The following FBN2 variants were observed in gnomAD, a reference collection of about 807,000 sequenced individuals.
FBN2 encodes fibrillin 2.
A neutral mutation model predicts 355.6 loss-of-function variants in FBN2; 105 were observed. That is an observed-to-expected ratio of 0.30 (90% CI 0.25 to 0.35). The LOEUF (loss-of-function observed/expected upper bound fraction) is 0.35. Among genes scored for constraint, FBN2 ranks in the 10% least tolerant of loss-of-function variants. The pLI is 1.00. For missense variants in FBN2, 3,280 were observed against 3,758.7 expected (o/e 0.87, Z 3.33); for synonymous variants, 1,350 against 1,301.2 (o/e 1.04, Z -0.81).
At chr5:128,507,496 C>A (rs1755995033) in intron 5 of FBN2, among the ~76,000 whole-genome samples, 1 of 152,064 alleles carries the variant, frequency 6.6e-6, no homozygotes, top group African/African-American at 2.4e-5. Flanking sequence ...TTTTTAAGTT[C>A]ATATTATTTT....
At chr5:128,359,960 G>C (rs765037382) in intron 19 of FBN2, among the ~76,000 whole-genome samples, 4 of 152,038 alleles carry the variant, frequency 2.6e-5, no homozygotes, top group Non-Finnish European at 4.4e-5. Flanking sequence ...TCCGCATTAC[G>C]TGTCTCTCAC....
chr5:128,319,586 T>G (rs528115137), intron 34 of FBN2, among the ~76,000 whole-genome samples: 1 of 152,204 alleles, frequency 6.6e-6, no homozygotes, highest in South Asian at 2.1e-4. Flanking sequence ...TGTAATCTTA[T>G]CTGTTATTAT....
At position 128,403,191 on chromosome 5, in the gene FBN2, G is replaced by GA. The variant is rs1185210942; in HGVS notation, c.1078+5482dup. ...GTACCTTGCCCTTTTCTTGAAAAAG[G>GA]AAAAAAAAAACCCATATACTGGTCA... is the stretch of plus-strand genomic sequence containing the variant. On this transcript the variant is annotated intron_variant, in intron 8 of 64. Transcript: ENST00000262464. 1.5e-3 allele frequency among the ~76,000 whole-genome samples: 228 copies of GA among 147,234 alleles called. 1 individual carries two copies. The highest frequency in any genetic ancestry group is 2.4e-3 in the Non-Finnish European group (157 of 66,466).
chr5:128,374,577 T>G lies in FBN2; in HGVS notation c.2095+51A>C, dbSNP rs750308305. The G allele has an allele frequency of 1.2e-5, 19 of 1,611,720 alleles. No homozygotes were observed. In the South Asian group the frequency reaches 1.9e-4, roughly 16 times the overall value. ...ACTGTATAGAAATATCTCTGTCAGTTTTTCAAAGATCATTTTGCACAGTGG... is the reference window on the plus strand; with the variant it reads ...ACTGTATAGAAATATCTCTGTCAGTGTTTCAAAGATCATTTTGCACAGTGG... On this transcript the variant is annotated intron_variant, in intron 15 of 64. Coordinates refer to ENST00000262464, the MANE Select transcript of FBN2 (RefSeq NM_001999.4).
chr5:128,391,022 G>A (rs1429801694), intron 11 of FBN2, among the ~76,000 whole-genome samples: 1 of 152,108 alleles, frequency 6.6e-6, no homozygotes, highest in Non-Finnish European at 1.5e-5. Context: ...GCATAATACA[G>A]TGCATCAATA....
At chr5:128,288,318 C>CA in intron 53 of FBN2, 120 bp downstream of exon 53, 5 of 1,219,938 alleles carry the variant, frequency 4.1e-6, no homozygotes, top group Non-Finnish European at 4.6e-6. Flanking sequence ...ACCCAAAAAA[C>CA]AAAAAACCCC....
chr5:128,514,811 T>C (rs1424271101), intron 5 of FBN2, among the ~76,000 whole-genome samples: 4 of 152,220 alleles, frequency 2.6e-5, no homozygotes, highest in African/African-American at 9.6e-5. Flanking sequence ...TTGTTTTATT[T>C]CTAAATTACT....
At chr5:128,438,181 A>G (rs1326319411) in intron 7 of FBN2, among the ~76,000 whole-genome samples, 1 of 152,174 alleles carries the variant, frequency 6.6e-6, no homozygotes, top group Non-Finnish European at 1.5e-5. Flanking sequence ...TAGTAGAGAC[A>G]GGGTTTCACC....
chr5:128,335,413 A>G (rs199935226), intron 29 of FBN2, 42 bp downstream of exon 29: 223 of 1,613,756 alleles, frequency 1.4e-4, no homozygotes, highest in Non-Finnish European at 1.8e-4. Context: ...TCAAGAAAAA[A>G]TTAGTTAGAT....
intron 5 of FBN2, among the ~76,000 whole-genome samples, chr5:128,513,493 C>T (rs1756189178): frequency 6.6e-6 from 1 of 152,130 alleles, no homozygotes; most frequent in Non-Finnish European, 1.5e-5. Flanking sequence ...GGTTTCCCTG[C>T]CTGTAGGTAG....
chr5:128,428,726 G>A (rs1753543689), intron 7 of FBN2, among the ~76,000 whole-genome samples: 1 of 152,184 alleles, frequency 6.6e-6, no homozygotes, highest in African/African-American at 2.4e-5. Context: ...CTTTATGAAA[G>A]CAAAGATTTT....
intron 25 of FBN2, among the ~76,000 whole-genome samples, chr5:128,340,833 C>A (rs113538598): frequency 0.02 from 3,011 of 150,670 alleles, 56 homozygotes; most frequent in African/African-American, 0.043. Context: ...CTCTCTCTCT[C>A]TCTATATATA....
At chr5:128,357,158 A>G (rs370573650) in intron 20 of FBN2, 118 bp downstream of exon 20, 4 of 1,276,160 alleles carry the variant, frequency 3.1e-6, no homozygotes, top group South Asian at 1.2e-5. Flanking sequence ...AACAACTAAC[A>G]TAATGTGTAA....
At chr5:128,354,552 G>A (rs746429754) in intron 20 of FBN2, among the ~76,000 whole-genome samples, 4 of 152,198 alleles carry the variant, frequency 2.6e-5, no homozygotes, top group African/African-American at 9.7e-5. Context: ...AGAAGGTAAG[G>A]TAGAGGCTAC....
intron 1 of FBN2, among the ~76,000 whole-genome samples, chr5:128,536,883 G>C (rs1384634150): frequency 4.6e-5 from 7 of 151,938 alleles, no homozygotes; most frequent in African/African-American, 9.7e-5. Flanking sequence ...ACGTGTCAAG[G>C]AAAGCGCGTC....
chr5:128,514,403 C>A (rs779641042), intron 5 of FBN2, among the ~76,000 whole-genome samples: 1 of 152,008 alleles, frequency 6.6e-6, no homozygotes, highest in Non-Finnish European at 1.5e-5. Context: ...ACTCCTATTA[C>A]GGTATTTACT....
chr5:128,323,722 T>C (rs1341061955), intron 34 of FBN2, among the ~76,000 whole-genome samples: 1 of 152,242 alleles, frequency 6.6e-6, no homozygotes, highest in Non-Finnish European at 1.5e-5. Flanking sequence ...TTTGCATCAA[T>C]GTTCATCGGG....
At chr5:128,485,902 A>G (rs1040386991) in intron 5 of FBN2, among the ~76,000 whole-genome samples, 3 of 152,172 alleles carry the variant, frequency 2.0e-5, no homozygotes, top group African/African-American at 7.2e-5. Context: ...TATCCAAAAT[A>G]TTACACTTTA....
intron 7 of FBN2, among the ~76,000 whole-genome samples, chr5:128,432,664 C>A (rs56228613): frequency 6.6e-6 from 1 of 151,988 alleles, no homozygotes; most frequent in Non-Finnish European, 1.5e-5. Context: ...GGCTCGATGA[C>A]TTTAGGTGGT....
Sources: gnomAD v4.1 joint callset for allele counts (sites outside exome capture counted in the v4.1 genomes callset) on GRCh38, gnomAD v4.1.1 for gene constraint, MANE v1.5 for transcripts, NCBI Gene and HGNC (gene_info 2026-07-23, HGNC 2026-07-21) for gene names.